The following AGBL1 variants were observed in gnomAD, a reference collection of about 807,000 sequenced individuals.
AGBL1 encodes AGBL carboxypeptidase 1.
Under a neutral mutation model 118.9 loss-of-function variants are expected in AGBL1, and 130 were observed. The ratio of observed to expected loss-of-function variants is 1.09; its 90% CI spans 0.95 to 1.26. The LOEUF is 1.26. AGBL1 is among the 50% of genes most tolerant of loss of function. AGBL1 has a pLI of 0.00. For synonymous variants in AGBL1, 555 were observed against 478.9 expected (o/e 1.16, Z -2.08); for missense variants, 1,584 against 1,298.1 (o/e 1.22, Z -3.38).
At chr15:86,281,647 G>A (rs1022887470) in intron 16 of AGBL1, among the ~76,000 whole-genome samples, 5 of 152,116 alleles carry the variant, frequency 3.3e-5, no homozygotes, top group East Asian at 1.9e-4. Flanking sequence ...AACTGAGACC[G>A]GAAGTCCCAC....
chr15:86,797,871 C>T (rs536238343), intron 22 of AGBL1, among the ~76,000 whole-genome samples: 1 of 152,284 alleles, frequency 6.6e-6, no homozygotes, highest in South Asian at 2.1e-4. Context: ...GGTAAAATTA[C>T]TTCTTTTCTT....
At position 86,555,710 on chromosome 15, in the gene AGBL1, C is replaced by G. The variant is rs145766956; in HGVS notation, c.2994+1173C>G. ...TCAAGAGATCTCACTCTTTCACTTA[C>G]CAGCAGTGTTGAAAGCTACTTACTT... On this transcript the variant is annotated intron_variant, in intron 21 of 22. Transcript: ENST00000614907. 3.3e-3 allele frequency among the ~76,000 whole-genome samples: 507 copies of G among 152,254 alleles called. 6 individuals carry two copies. Among genetic ancestry groups the G allele is most frequent in the African/African-American group, 9.6e-3 (400 of 41,548 alleles).
intron 22 of AGBL1, among the ~76,000 whole-genome samples, chr15:86,826,733 A>G (rs554861511): frequency 3.9e-5 from 6 of 152,284 alleles, no homozygotes; most frequent in African/African-American, 1.4e-4. Context: ...ATAAGGGAGC[A>G]TCAGCATTGT....
In AGBL1 at chr15:86,986,879, G is replaced by A. The variant is rs8039817; in HGVS notation, c.3222-1108G>A. On this transcript the variant is annotated intron_variant, in intron 23 of 24. Transcript: ENST00000441037. ...CTGTTTATTTCACCTGGGTTCAGGC[G>A]GGCTGAGTCTGAAAAGAGAGTCAGC... Among the ~76,000 whole-genome samples, 450 of 152,204 alleles carry A rather than the reference G, an allele frequency of 3.0e-3. 3 individuals are homozygous for A. Among genetic ancestry groups the A allele is most frequent in the African/African-American group, 0.01 (418 of 41,532 alleles).
intron 24 of AGBL1, among the ~76,000 whole-genome samples, chr15:87,002,316 T>C (rs2081448755): frequency 6.6e-6 from 1 of 152,088 alleles, no homozygotes; most frequent in African/African-American, 2.4e-5. Context: ...CTGAGGGCTC[T>C]GTTCTGTTCC....
At chr15:86,194,477 T>C (rs2141836907) in intron 5 of AGBL1, among the ~76,000 whole-genome samples, 1 of 152,346 alleles carries the variant, frequency 6.6e-6, no homozygotes, top group East Asian at 1.9e-4. Context: ...CAATCCAGAA[T>C]GCTGTTCCTT....
At chr15:86,767,019 T>C (rs552536206) in intron 22 of AGBL1, among the ~76,000 whole-genome samples, 2 of 152,126 alleles carry the variant, frequency 1.3e-5, no homozygotes, top group South Asian at 2.1e-4. Flanking sequence ...AGGAAATTTA[T>C]GTGTTATTAA....
At position 86,713,037 on chromosome 15, in the gene AGBL1, C is replaced by T. The variant is rs575900456; in HGVS notation, c.3158+38601C>T. On this transcript the variant is annotated intron_variant, in intron 22 of 22. Transcript: ENST00000614907. ...GACAATTTAGCTTGTGTGTCTGTTTCCCCAGGAGAAAGCAAGCTCCTTGAG... is the reference window on the plus strand; with the variant it reads ...GACAATTTAGCTTGTGTGTCTGTTTTCCCAGGAGAAAGCAAGCTCCTTGAG... Among the ~76,000 whole-genome samples, 15 of 152,298 alleles carry T rather than the reference C, an allele frequency of 9.8e-5. 1 individual carries two copies. In the Middle Eastern group the frequency reaches 0.02, roughly 207 times the overall value.
intron 18 of AGBL1, among the ~76,000 whole-genome samples, chr15:86,403,359 C>A (rs1567238846): frequency 6.6e-6 from 1 of 152,014 alleles, no homozygotes; most frequent in Non-Finnish European, 1.5e-5. Flanking sequence ...GGAACAGAAG[C>A]AAACAGCAAT....
intron 18 of AGBL1, among the ~76,000 whole-genome samples, chr15:86,464,940 A>T (rs1313709872): frequency 1.3e-5 from 2 of 151,680 alleles, no homozygotes; most frequent in East Asian, 3.9e-4. Context: ...CTGAATTTGA[A>T]TGTTGGCCTG....
chr15:86,393,735 A>G (rs577636834), intron 17 of AGBL1, among the ~76,000 whole-genome samples: 11 of 152,272 alleles, frequency 7.2e-5, no homozygotes, highest in African/African-American at 2.4e-4. Flanking sequence ...CCTATGGTGC[A>G]GAACACCTAA....
intron 22 of AGBL1, 23 bp downstream of exon 22, chr15:86,674,459 G>A: frequency 1.9e-6 from 3 of 1,589,028 alleles, no homozygotes; most frequent in Non-Finnish European, 8.6e-7. Context: ...CAAGGGCTCA[G>A]AGAAATTTGG....
At chr15:86,506,358 T>C (rs1324278729) in intron 18 of AGBL1, among the ~76,000 whole-genome samples, 2 of 152,044 alleles carry the variant, frequency 1.3e-5, no homozygotes, top group Non-Finnish European at 2.9e-5. Context: ...AGTTCGGTGG[T>C]TTGCCCATTG....
intron 22 of AGBL1, among the ~76,000 whole-genome samples, chr15:86,781,971 C>A (rs1001442969): frequency 6.6e-6 from 1 of 151,874 alleles, no homozygotes; most frequent in Admixed American, 6.6e-5. Context: ...TTGTCCTTCC[C>A]TCTTAATCAC....
intron 1 of AGBL1, among the ~76,000 whole-genome samples, chr15:86,106,671 C>T (rs1284765903): frequency 8.5e-5 from 13 of 152,194 alleles, no homozygotes; most frequent in Admixed American, 8.5e-4. Context: ...GTTGAGAACC[C>T]CACTCGATTC....
chr15:86,850,680 A>C (rs2079396129), intron 22 of AGBL1, among the ~76,000 whole-genome samples: 1 of 152,218 alleles, frequency 6.6e-6, no homozygotes, highest in African/African-American at 2.4e-5. Context: ...CTTTAACTAT[A>C]AAATGGGAGT....
At chr15:86,500,585 T>C (rs553349793) in intron 18 of AGBL1, among the ~76,000 whole-genome samples, 20 of 137,522 alleles carry the variant, frequency 1.5e-4, no homozygotes, top group African/African-American at 5.5e-4. Context: ...CACAAATTGG[T>C]ACAACCACTA....
chr15:86,567,552 A>G (rs1478746626), intron 21 of AGBL1, among the ~76,000 whole-genome samples: 1 of 152,238 alleles, frequency 6.6e-6, no homozygotes, highest in African/African-American at 2.4e-5. Flanking sequence ...GCTGAATTTA[A>G]AAGGCTATTC....
intron 18 of AGBL1, among the ~76,000 whole-genome samples, chr15:86,514,343 ATAAAG>A (rs1470840487): frequency 2.6e-5 from 4 of 152,182 alleles, no homozygotes; most frequent in Non-Finnish European, 4.4e-5. Context: ...TAGAATACAC[ATAAAG>A]TAGTTTTAGA....
Sources: allele counts gnomAD v4.1 joint callset (sites outside exome capture counted in the v4.1 genomes callset), GRCh38; gene constraint gnomAD v4.1.1; transcripts MANE v1.5; gene names NCBI Gene and HGNC (gene_info 2026-07-23, HGNC 2026-07-21).